CATSPERG: variants seen among roughly 807,000 people sequenced by gnomAD.
CATSPERG encodes the protein cation channel sperm-associated auxiliary subunit gamma.
Under a neutral mutation model 145.0 loss-of-function variants are expected in CATSPERG, and 115 were observed. That is an observed-to-expected ratio of 0.79 (90% confidence interval 0.68 to 0.93). CATSPERG has a LOEUF of 0.93. Ranked by LOEUF, CATSPERG falls within the 40% of genes least tolerant of loss-of-function variation. The probability of loss-of-function intolerance (pLI) is 0.00; values close to 1 mark genes in which losing one functional copy is unlikely to be tolerated. For synonymous variants in CATSPERG, 588 were observed against 589.0 expected (o/e 1.00, Z 0.02); for missense variants, 1,296 against 1,490.1 (o/e 0.87, Z 2.14).
intron 19 of CATSPERG, 34 bp from the exon 20 acceptor site, chr19:38,362,680 G>A (rs762892776): frequency 3.7e-6 from 6 of 1,610,562 alleles, no homozygotes; most frequent in South Asian, 1.1e-5. Context: ...CTGTCTGTGA[G>A]GGAGGCCTTA....
At chr19:38,367,064 G>A (rs1970462200) in intron 22 of CATSPERG, 92 bp from the exon 23 acceptor site, 1 of 1,229,108 alleles carries the variant, frequency 8.1e-7, no homozygotes. Context: ...GGTGGTGTTT[G>A]TGGGAGGGGG....
intron 7 of CATSPERG, 39 bp from the exon 8 acceptor site, chr19:38,352,222 A>G: frequency 1.3e-6 from 2 of 1,546,452 alleles, no homozygotes; most frequent in Non-Finnish European, 1.7e-6. Flanking sequence ...GGCTGAGGCC[A>G]AGGCCACCTG....
At position 38,362,383 on chromosome 19, in the gene CATSPERG, A is replaced by G. The variant is rs1568381418; in HGVS notation, c.2165A>G (p.Tyr722Cys). Residue 722 changes from tyrosine to cysteine, a missense_variant, in exon 19 of 29, where the codon TAC becomes TGC. Tyr to Cys is a radical substitution (Grantham distance 194). Transcript: ENST00000409235. ...WANNKQDQDY[Y>C]FFLASNWRSA... ...GCGCATCCGGTACCCCAGGATTACT[A>G]CTTCTTCTTGGCGAGCAATTGGCGA... The G allele has an allele frequency of 1.2e-6, 2 of 1,614,068 alleles. No homozygotes were observed. The highest frequency in any genetic ancestry group is 2.2e-5 in the South Asian group (2 of 91,080).
At position 38,367,547 on chromosome 19, in the gene CATSPERG, G is replaced by A; in HGVS notation, c.2809G>A (p.Gly937Arg). The change falls in exon 24 of 29, where the codon GGA becomes AGA. Residue 937 changes from glycine (G) to arginine (R), a missense_variant. Coordinates refer to ENST00000409235, the MANE Select transcript of CATSPERG (RefSeq NM_021185.5). ...CTTCTTGATTCAAGATTTGGTGACA[G>A]GAGACTCCGGCAGTTTCCAGGGCAG... ...PFFLIQDLVT[G>R]DSGSFQGSYV... The A allele has an allele frequency of 6.2e-7, 1 of 1,614,134 alleles. No individual in the cohort carries two copies.
chr19:38,362,652 C>G (rs1381449758), intron 19 of CATSPERG, 62 bp from the exon 20 acceptor site: 10 of 1,604,100 alleles, frequency 6.2e-6, no homozygotes, highest in African/African-American at 1.3e-5. Context: ...GGCGGGGACA[C>G]CATCGGAGGG....
intron 9 of CATSPERG, 77 bp from the exon 10 acceptor site, chr19:38,356,407 G>A (rs1261381542): frequency 7.5e-7 from 1 of 1,333,402 alleles, no homozygotes; most frequent in Middle Eastern, 1.8e-4. Flanking sequence ...GGCATAAGGA[G>A]GGCAATCGGA....
intron 8 of CATSPERG, among the ~76,000 whole-genome samples, chr19:38,353,385 C>T (rs1185842506): frequency 6.6e-6 from 1 of 151,030 alleles, no homozygotes; most frequent in African/African-American, 2.4e-5. Context: ...GACTATTCAA[C>T]TTAATCTTTA....
At chr19:38,353,195 A>G (rs571068846) in intron 8 of CATSPERG, among the ~76,000 whole-genome samples, 1 of 151,698 alleles carries the variant, frequency 6.6e-6, no homozygotes, top group South Asian at 2.1e-4. Context: ...TTAGCCGGGC[A>G]TTGTGGTGGG....
At position 38,362,380 on chromosome 19, in the gene CATSPERG, A is replaced by C; in HGVS notation, c.2162A>C (p.Tyr721Ser). Residue 721 changes from tyrosine to serine, a missense_variant, in exon 19 of 29, where the codon TAC becomes TCC. Tyr to Ser is a moderately radical substitution (Grantham distance 144). Transcript: ENST00000409235. ...CCCGCGCATCCGGTACCCCAGGATT[A>C]CTACTTCTTCTTGGCGAGCAATTGG... is the stretch of plus-strand genomic sequence containing the variant. Reference protein sequence around the residue: ...WWANNKQDQDYYFFLASNWRS... With the variant: ...WWANNKQDQDSYFFLASNWRS... The C allele has an allele frequency of 6.2e-7, 1 of 1,614,168 alleles. No individual in the cohort carries two copies. The highest frequency in any genetic ancestry group is 1.1e-5 in the South Asian group (1 of 91,082).
chr19:38,362,071 G>A, intron 17 of CATSPERG, 139 bp from the exon 18 acceptor site: 1 of 1,044,050 alleles, frequency 9.6e-7, no homozygotes. Context: ...AGCAGGGTTT[G>A]GGGATGGGCT....
At chr19:38,346,075 T>C (rs1233172405) in intron 6 of CATSPERG, among the ~76,000 whole-genome samples, 1 of 151,666 alleles carries the variant, frequency 6.6e-6, no homozygotes, top group Non-Finnish European at 1.5e-5. Flanking sequence ...GCAACGGGAG[T>C]TGGGTCTGTG....
At chr19:38,354,511 A>G (rs776456246) in intron 8 of CATSPERG, among the ~76,000 whole-genome samples, 199 bp from the exon 9 acceptor site, 4 of 152,214 alleles carry the variant, frequency 2.6e-5, no homozygotes, top group Non-Finnish European at 5.9e-5. Context: ...TCTGACCCTC[A>G]TGGACAGAGT....
Position 38,338,444 on chromosome 19 carries a change from G to A in CATSPERG, c.324+798G>A, listed in dbSNP as rs115490325. ...ATTACAGGCGTGAGCCACCTCACCCGGCCTTGTTCCAGGTTTTTAAAGCTA... is the reference window on the plus strand; with the variant it reads ...ATTACAGGCGTGAGCCACCTCACCCAGCCTTGTTCCAGGTTTTTAAAGCTA... On this transcript the variant is annotated intron_variant, in intron 3 of 28. Transcript: ENST00000409235. Among the ~76,000 whole-genome samples, 584 of 152,278 alleles carry A rather than the reference G, an allele frequency of 3.8e-3. 5 individuals carry two copies. Among genetic ancestry groups the A allele is most frequent in the African/African-American group, 0.014 (564 of 41,562 alleles).
intron 3 of CATSPERG, among the ~76,000 whole-genome samples, chr19:38,338,211 C>G (rs983223895): frequency 1.3e-5 from 2 of 152,030 alleles, no homozygotes; most frequent in Middle Eastern, 3.4e-3. Context: ...TGCAGTGGCG[C>G]GATCTCGGCT....
In CATSPERG at chr19:38,344,106, A is replaced by T; in HGVS notation, c.583A>T (p.Ile195Phe). Residue 195 changes from isoleucine to phenylalanine, a missense_variant, in exon 5 of 29, where the codon ATT becomes TTT. Transcript: ENST00000409235. Reference sequence around the variant, plus strand: ...CAGCAGCAATGGCCTGGGGACCTTCATTCCAGATAAAAGGTACCCTTTCCC... The same window carrying T: ...CAGCAGCAATGGCCTGGGGACCTTCTTTCCAGATAAAAGGTACCCTTTCCC... ...DISSNGLGTF[I>F]PDKRFQMNIN... is the part of the protein sequence containing the mutation. 1.2e-5 allele frequency: 19 copies of T among 1,551,616 alleles called. No homozygotes were observed. Among genetic ancestry groups the T allele is most frequent in the Non-Finnish European group, 1.7e-5 (19 of 1,146,952 alleles).
intron 22 of CATSPERG, 116 bp from the exon 23 acceptor site, chr19:38,367,040 G>T: frequency 1.1e-6 from 1 of 945,776 alleles, no homozygotes; most frequent in Non-Finnish European, 1.5e-6. Flanking sequence ...GTGAGGGAGA[G>T]CCAGGCAGCT....
At chr19:38,344,822 C>T (rs1970003547) in intron 6 of CATSPERG, among the ~76,000 whole-genome samples, 1 of 137,730 alleles carries the variant, frequency 7.3e-6, no homozygotes, top group African/African-American at 2.7e-5. Context: ...CATACCTGTA[C>T]ATACATATAT....
intron 20 of CATSPERG, 151 bp from the exon 21 acceptor site, chr19:38,364,740 C>G (rs979347892): frequency 3.0e-6 from 2 of 667,858 alleles, no homozygotes; most frequent in South Asian, 1.7e-5. Flanking sequence ...GCCAACACCC[C>G]GTTAGCCTAT....
chr19:38,346,744 A>G (rs1191901112), intron 7 of CATSPERG, 139 bp downstream of exon 7: 10 of 763,170 alleles, frequency 1.3e-5, no homozygotes, highest in Non-Finnish European at 1.9e-5. Flanking sequence ...AGCATGAAGA[A>G]AAAACACAAG....
Sources: gnomAD v4.1 joint callset for allele counts (sites outside exome capture counted in the v4.1 genomes callset) on GRCh38, gnomAD v4.1.1 for gene constraint, MANE v1.5 for transcripts, NCBI Gene and HGNC (gene_info 2026-07-23, HGNC 2026-07-21) for gene names.